Variants in TACC2 observed in about 807,000 individuals in gnomAD.
The protein encoded by TACC2 is transforming acidic coiled-coil-containing protein 2.
A neutral mutation model predicts 227.3 loss-of-function variants in TACC2; 137 were observed. The ratio of observed to expected loss-of-function variants is 0.60; its 90% CI spans 0.52 to 0.69. The LOEUF is 0.69. Ranked by LOEUF, TACC2 falls within the 30% of genes least tolerant of loss-of-function variation. The pLI is 0.00. For missense variants in TACC2, 3,470 were observed against 3,694.4 expected (o/e 0.94, Z 1.57); for synonymous variants, 1,523 against 1,487.5 (o/e 1.02, Z -0.55).
At chr10:122,064,928 G>C (rs1050470918) in intron 3 of TACC2, among the ~76,000 whole-genome samples, 8 of 152,030 alleles carry the variant, frequency 5.3e-5, no homozygotes, top group Non-Finnish European at 1.0e-4. Flanking sequence ...GTTCTCTCTT[G>C]TTCCTTCCCA....
chr10:122,087,201 GGAGCTCCCTGTGGAGA>G lies in TACC2; in HGVS notation c.4707_4722del (p.Pro1570LeufsTer67). 1 of 1,612,516 alleles carries G rather than the reference GGAGCTCCCTGTGGAGA, an allele frequency of 6.2e-7. No individual in the cohort carries two copies. Among genetic ancestry groups the G allele is most frequent in the Non-Finnish European group, 8.5e-7 (1 of 1,179,448 alleles). The stretch of plus-strand genomic sequence containing the variant: ...GTCTTCCTTCACCAGCAGCTACTCA[GGAGCTCCCTGTGGAGA>G]GAGCTGCTGCCTTCCAGGTGGCTCC... On this transcript the variant is annotated frameshift_variant, in exon 4 of 23. Coordinates refer to ENST00000369005, the MANE Select transcript of TACC2 (RefSeq NM_206862.4). LOFTEE classifies it high-confidence loss of function.
chr10:122,041,285 C>T (rs1423136497), intron 2 of TACC2, among the ~76,000 whole-genome samples: 4 of 151,730 alleles, frequency 2.6e-5, no homozygotes, highest in South Asian at 2.1e-4. Context: ...CAGCAACACT[C>T]AGCCAGTGCA....
Position 122,237,499 on chromosome 10 carries a change from G to T in TACC2, c.8232G>T (p.Gln2744His), listed in dbSNP as rs1810683807. 1 of 1,613,938 alleles carries T rather than the reference G, an allele frequency of 6.2e-7. No homozygotes were observed. The highest frequency in any genetic ancestry group is 1.7e-5 in the Admixed American group (1 of 60,002). ...AACCTGCAGGCCTTCTGTTCCAGCA[G>T]CCCGACCTGGACTCTGCCCTCCAGA... ...VEKPAGLLFQ[Q>H]PDLDSALQIA... Residue 2744 changes from glutamine to histidine, a missense_variant, in exon 17 of 23, where the codon CAG (glutamine) becomes CAT (histidine). Gln to His is a conservative substitution (Grantham distance 24). Coordinates refer to ENST00000369005, the MANE Select transcript of TACC2 (RefSeq NM_206862.4).
At chr10:122,165,399 G>A (rs1354954221) in intron 7 of TACC2, among the ~76,000 whole-genome samples, 3 of 152,186 alleles carry the variant, frequency 2.0e-5, no homozygotes, top group Admixed American at 1.3e-4. Flanking sequence ...CAATGTGACT[G>A]TACGTTTGGG....
At chr10:122,119,870 G>A (rs1376816067) in intron 5 of TACC2, among the ~76,000 whole-genome samples, 2 of 151,438 alleles carry the variant, frequency 1.3e-5, no homozygotes, top group Non-Finnish European at 2.9e-5. Context: ...AGTGAGTCAA[G>A]ATCGCGCTGC....
At chr10:122,040,617 A>G (rs2074133102) in intron 2 of TACC2, among the ~76,000 whole-genome samples, 1 of 152,166 alleles carries the variant, frequency 6.6e-6, no homozygotes, top group Non-Finnish European at 1.5e-5. Context: ...ATTCCCATTT[A>G]TAGCTCTGAC....
chr10:122,153,469 T>G (rs544725225), intron 7 of TACC2, among the ~76,000 whole-genome samples: 1 of 152,354 alleles, frequency 6.6e-6, no homozygotes, highest in Admixed American at 6.5e-5. Flanking sequence ...CTCATATCTG[T>G]GGACTCCTCC....
chr10:122,130,545 A>C (rs1291589083), intron 5 of TACC2, among the ~76,000 whole-genome samples: 1 of 151,972 alleles, frequency 6.6e-6, no homozygotes, highest in Non-Finnish European at 1.5e-5. Flanking sequence ...GCCTCCCCAA[A>C]GTGTTGGGAT....
chr10:122,061,014 AAAAAAG>A (rs753180113), intron 3 of TACC2, among the ~76,000 whole-genome samples: 3 of 47,042 alleles, frequency 6.4e-5, no homozygotes, highest in Non-Finnish European at 2.0e-4. Context: ...AAAAAAAAAA[AAAAAAG>A]GGGGGGGGGC....
chr10:122,122,559 A>T (rs2086048129), intron 5 of TACC2, among the ~76,000 whole-genome samples: 1 of 151,890 alleles, frequency 6.6e-6, no homozygotes, highest in Non-Finnish European at 1.5e-5. Context: ...GAGAGTGGAA[A>T]ATCTCTGTTC....
chr10:122,142,293 C>T (rs1002940525), intron 6 of TACC2, among the ~76,000 whole-genome samples: 7 of 152,248 alleles, frequency 4.6e-5, no homozygotes, highest in African/African-American at 2.4e-5. Flanking sequence ...GCGGTATCCC[C>T]TCTGCCTGCT....
Position 122,210,227 on chromosome 10 carries a change from T to C in TACC2, c.5972-170T>C. Reference sequence around the variant, plus strand: ...AACCTGGCCTGGGTCTTGAGCTAATTACGGGTAGGTCAGGTTCTGTACCCA... The same window carrying C: ...AACCTGGCCTGGGTCTTGAGCTAATCACGGGTAGGTCAGGTTCTGTACCCA... On this transcript the variant is annotated intron_variant, in intron 8 of 22. Coordinates refer to ENST00000369005, the MANE Select transcript of TACC2 (RefSeq NM_206862.4). The surrounding 1 kb of genome is among the most constrained non-coding windows in gnomAD (Gnocchi z 4.6). The C allele has an allele frequency of 6.3e-6, 4 of 632,696 alleles. 1 individual carries two copies. The South Asian group carries it at 7.7e-5, about 12-fold the overall frequency. 39.2% of individuals were successfully genotyped at this position (632,696 alleles called of 1,614,324 possible).
In TACC2 at chr10:122,211,163, C is replaced by T; in HGVS notation, c.6738C>T (p.Thr2246=). 1.9e-6 allele frequency: 3 copies of T among 1,611,518 alleles called. No homozygotes were observed. Among genetic ancestry groups the T allele is most frequent in the Non-Finnish European group, 2.5e-6 (3 of 1,178,782 alleles). The change falls in exon 9 of 23, where the codon ACC becomes ACT. Residue 2246 remains threonine (T), a synonymous_variant. Coordinates refer to ENST00000369005, the MANE Select transcript of TACC2 (RefSeq NM_206862.4). ...CGGCCCCGGAGGCAGGGGAGGTAACCCCATCGGATAGCGGGGGGCAAGAGG... is the reference window on the plus strand; with the variant it reads ...CGGCCCCGGAGGCAGGGGAGGTAACTCCATCGGATAGCGGGGGGCAAGAGG... ...LTTAPEAGEV[T]PSDSGGQEDS...
intron 6 of TACC2, among the ~76,000 whole-genome samples, chr10:122,142,307 G>A (rs186312882): frequency 6.6e-6 from 1 of 152,228 alleles, no homozygotes; most frequent in African/African-American, 2.4e-5. Context: ...GCCTGCTGTG[G>A]GCGGCCTGGC....
chr10:122,188,307 T>C (rs990114576), intron 7 of TACC2, among the ~76,000 whole-genome samples: 1 of 152,034 alleles, frequency 6.6e-6, no homozygotes, highest in East Asian at 1.9e-4. Flanking sequence ...TGAGATAGAG[T>C]CTCGCCCTAT....
chr10:122,195,206 G>A lies in TACC2; in HGVS notation c.5971+30G>A, dbSNP rs761831676. ...CCAAGGGCAGGGAGGCCCCCAGACA[G>A]CCCTGTAGAGTTGTGAGCCCTGGGG... On this transcript the variant is annotated intron_variant, in intron 8 of 22. Transcript: ENST00000369005. The A allele has an allele frequency of 7.0e-6, 11 of 1,573,564 alleles. No individual in the cohort carries two copies. The East Asian group carries it at 2.5e-4, about 36-fold the overall frequency.
intron 5 of TACC2, among the ~76,000 whole-genome samples, chr10:122,114,662 C>G (rs2084315944): frequency 6.6e-6 from 1 of 152,234 alleles, no homozygotes. Context: ...GCCACAGCAA[C>G]TCAGCTACCC....
intron 7 of TACC2, among the ~76,000 whole-genome samples, chr10:122,182,172 T>C (rs932541072): frequency 6.6e-6 from 1 of 152,242 alleles, no homozygotes; most frequent in African/African-American, 2.4e-5. Flanking sequence ...AGAGTTTGCC[T>C]TTTTGATTAG....
chr10:122,225,651 T>G (rs2095612757), intron 12 of TACC2, among the ~76,000 whole-genome samples: 1 of 152,146 alleles, frequency 6.6e-6, no homozygotes, highest in African/African-American at 2.4e-5. Flanking sequence ...TGTCGTGTGT[T>G]TTGAGATCTT....
Sources: gnomAD v4.1 joint callset for allele counts (sites outside exome capture counted in the v4.1 genomes callset) on GRCh38, gnomAD v4.1.1 for gene constraint, Gnocchi (gnomAD v3.1) non-coding constraint, MANE v1.5 for transcripts, NCBI Gene and HGNC (gene_info 2026-07-23, HGNC 2026-07-21) for gene names.